The following SPPL3 variants were observed in gnomAD, a reference collection of about 807,000 sequenced individuals.
SPPL3 encodes the protein signal peptide peptidase like 3.
A neutral mutation model predicts 42.4 loss-of-function variants in SPPL3; 5 were observed. That is an observed-to-expected ratio of 0.12 (90% CI 0.06 to 0.25). The LOEUF (loss-of-function observed/expected upper bound fraction) is 0.25, where lower values mean the gene tolerates loss of function less well. SPPL3 is among the 10% of genes least tolerant of loss of function. The probability of loss-of-function intolerance (pLI) is 1.00; values close to 1 mark genes in which losing one functional copy is unlikely to be tolerated. For missense variants in SPPL3, 235 were observed against 489.0 expected (o/e 0.48, Z 4.90); for synonymous variants, 195 against 181.8 (o/e 1.07, Z -0.58).
intron 6 of SPPL3, among the ~76,000 whole-genome samples, chr12:120,772,835 C>A (rs897271694): frequency 2.0e-5 from 3 of 152,190 alleles, no homozygotes; most frequent in African/African-American, 7.2e-5. Flanking sequence ...TATATATCTT[C>A]ATCTCCACTA....
chr12:120,820,346 C>T (rs1417889564), intron 1 of SPPL3, among the ~76,000 whole-genome samples: 14 of 123,332 alleles, frequency 1.1e-4, no homozygotes, highest in African/African-American at 1.6e-4. Context: ...ACAAGAGTCT[C>T]GCTCTGTCGC....
intron 1 of SPPL3, among the ~76,000 whole-genome samples, chr12:120,866,105 T>C (rs532982445): frequency 2.3e-4 from 35 of 152,326 alleles, no homozygotes; most frequent in African/African-American, 7.0e-4. Flanking sequence ...TTCTCCATTA[T>C]GGTGAGTTGT....
chr12:120,764,135 T>G lies in SPPL3; in HGVS notation c.*864A>C, dbSNP rs931883775. 1 of 152,444 alleles carries G rather than the reference T, an allele frequency of 6.6e-6. No homozygotes were observed. The highest frequency in any genetic ancestry group is 2.4e-5 in the African/African-American group (1 of 41,422). The allele number at this position is 152,444 out of a possible 1,614,324, so 9.4% of individuals were successfully genotyped here. A position where few individuals can be genotyped will look rare whatever the true frequency, so the allele number is the denominator to read the frequency against. On this transcript the variant is annotated 3_prime_UTR_variant, in exon 11 of 11. Coordinates refer to ENST00000353487, the MANE Select transcript of SPPL3 (RefSeq NM_139015.5). ...TGAGTCTATCATCAATCAGCACAAA[T>G]GCTATACTAGTTTGTAACTGCGGGG... is the stretch of plus-strand genomic sequence containing the variant.
intron 6 of SPPL3, among the ~76,000 whole-genome samples, chr12:120,775,513 T>C (rs543828512): frequency 2.2e-4 from 34 of 152,302 alleles, no homozygotes; most frequent in African/African-American, 7.9e-4. Context: ...CATGTTCTAA[T>C]CATAGGTTAG....
chr12:120,768,682 C>T, intron 7 of SPPL3, 194 bp from the exon 8 acceptor site: 1 of 715,306 alleles, frequency 1.4e-6, no homozygotes, highest in Admixed American at 2.9e-5. Flanking sequence ...CCAGAGATTA[C>T]TCCCTGACGG....
intron 1 of SPPL3, among the ~76,000 whole-genome samples, chr12:120,834,543 C>A (rs1316799474): frequency 6.6e-6 from 1 of 152,122 alleles, no homozygotes; most frequent in Non-Finnish European, 1.5e-5. Flanking sequence ...TGTTGCCAAC[C>A]AAGGAGATGT....
intron 1 of SPPL3, among the ~76,000 whole-genome samples, chr12:120,859,809 G>A (rs1342236873): frequency 6.6e-6 from 1 of 152,142 alleles, no homozygotes; most frequent in Non-Finnish European, 1.5e-5. Flanking sequence ...TGGGGATGGT[G>A]GTGCGCACCT....
chr12:120,849,527 G>A (rs536617202), intron 1 of SPPL3, among the ~76,000 whole-genome samples: 15 of 152,294 alleles, frequency 9.8e-5, no homozygotes, highest in Admixed American at 5.9e-4. Context: ...GACATGTTGA[G>A]AAGATTTCCT....
Position 120,791,504 on chromosome 12 carries a change from G to C in SPPL3, c.155C>G (p.Ser52Cys). ...NQDKEKDSNSSSGSFNGNSTN... is the reference protein window; with the variant it reads ...NQDKEKDSNSCSGSFNGNSTN... ...GCTGTTGCCATTGAAAGACCCAGAAGAACTATTACTGTCTTTCTCCTTATC... is the reference window on the plus strand; with the variant it reads ...GCTGTTGCCATTGAAAGACCCAGAACAACTATTACTGTCTTTCTCCTTATC... The change falls in exon 3 of 11, where the codon TCT (serine) becomes TGT (cysteine). Residue 52 changes from serine (S) to cysteine (C), a missense_variant. Physicochemically the swap from Ser to Cys is moderately radical, Grantham distance 112. Coordinates refer to ENST00000353487, the MANE Select transcript of SPPL3 (RefSeq NM_139015.5). The C allele has an allele frequency of 1.2e-6, 2 of 1,607,114 alleles. No individual in the cohort carries two copies. The highest frequency in any genetic ancestry group is 1.7e-6 in the Non-Finnish European group (2 of 1,178,484).
chr12:120,904,038 G>T lies in SPPL3; in HGVS notation c.-171C>A. 1 of 441,054 alleles carries T rather than the reference G, an allele frequency of 2.3e-6. No homozygotes were observed. The highest frequency in any genetic ancestry group is 3.6e-6 in the Non-Finnish European group (1 of 278,792). The allele number at this position is 441,054 out of a possible 1,614,324, so 27.3% of individuals were successfully genotyped here. On this transcript the variant is annotated 5_prime_UTR_variant, in exon 1 of 11. Transcript: ENST00000353487. ...GAAGGCGGCTGGCGGGGAGAGGCCG[G>T]GCTCCGAAGCGGCCCCGCTCCCTGG... is the stretch of plus-strand genomic sequence containing the variant.
intron 6 of SPPL3, among the ~76,000 whole-genome samples, chr12:120,781,555 G>GTGTTTTTTTTTTTTTTTT (rs1869541007): frequency 1.1e-4 from 7 of 62,994 alleles, no homozygotes; most frequent in Non-Finnish European, 1.5e-4. Context: ...TTATTGTTAC[G>GTGTTTTTTTTTTTTTTTT]TTTTTTTTTT....
intron 1 of SPPL3, among the ~76,000 whole-genome samples, chr12:120,886,330 A>C (rs1307678719): frequency 6.6e-6 from 1 of 152,140 alleles, no homozygotes; most frequent in Non-Finnish European, 1.5e-5. Context: ...GATGTGGTTT[A>C]TTCTATTTTA....
At chr12:120,818,874 T>A (rs894161662) in intron 1 of SPPL3, among the ~76,000 whole-genome samples, 11 of 152,224 alleles carry the variant, frequency 7.2e-5, no homozygotes, top group African/African-American at 2.4e-4. Flanking sequence ...TAACATTTTT[T>A]AAAGGGCAAA....
At chr12:120,897,244 T>C (rs988319602) in intron 1 of SPPL3, among the ~76,000 whole-genome samples, 3 of 152,212 alleles carry the variant, frequency 2.0e-5, no homozygotes, top group African/African-American at 7.2e-5. Context: ...TACTACCTGA[T>C]ACTTACAGGC....
intron 1 of SPPL3, among the ~76,000 whole-genome samples, chr12:120,868,218 T>C (rs995888553): frequency 2.6e-5 from 4 of 151,320 alleles, no homozygotes; most frequent in South Asian, 2.1e-4. Flanking sequence ...ATCATGCCAC[T>C]GCACTCCAGC....
intron 6 of SPPL3, among the ~76,000 whole-genome samples, chr12:120,773,956 G>A (rs539662154): frequency 6.6e-6 from 1 of 152,236 alleles, no homozygotes; most frequent in South Asian, 2.1e-4. Flanking sequence ...TCCTAACTGC[G>A]CAGGAGCCTT....
intron 2 of SPPL3, among the ~76,000 whole-genome samples, chr12:120,800,776 A>G (rs962649143): frequency 6.6e-6 from 1 of 152,232 alleles, no homozygotes; most frequent in Non-Finnish European, 1.5e-5. Context: ...AAAGACTAAG[A>G]ACCTGGGCAG....
At chr12:120,825,978 A>AGTGAGAGAATGAGTGTCT (rs1446058169) in intron 1 of SPPL3, among the ~76,000 whole-genome samples, 36,899 of 151,762 alleles carry the variant, frequency 0.24, 5,540 homozygotes, top group Non-Finnish European at 0.35. Context: ...TGACACACTC[A>AGTGAGAGAATGAGTGTCT]CTGGTCAAGA....
intron 3 of SPPL3, among the ~76,000 whole-genome samples, chr12:120,784,979 G>A (rs1205776909): frequency 6.6e-6 from 1 of 152,094 alleles, no homozygotes; most frequent in African/African-American, 2.4e-5. Context: ...TTGACTAAAA[G>A]GACTTCTCAT....
Sources: gnomAD v4.1 joint callset for allele counts (sites outside exome capture counted in the v4.1 genomes callset) on GRCh38, gnomAD v4.1.1 for gene constraint, MANE v1.5 for transcripts, NCBI Gene and HGNC (gene_info 2026-07-23, HGNC 2026-07-21) for gene names.